Variants in STXBP5L observed in about 807,000 individuals in gnomAD.
The protein encoded by STXBP5L is syntaxin-binding protein 5-like.
Under a neutral mutation model 144.5 loss-of-function variants are expected in STXBP5L, and 65 were observed. The ratio of observed to expected loss-of-function variants is 0.45; its 90% CI spans 0.37 to 0.55. STXBP5L has a LOEUF of 0.55. Ranked by LOEUF, STXBP5L falls within the 20% of genes least tolerant of loss-of-function variation. The probability of loss-of-function intolerance (pLI) is 0.00; values close to 1 mark genes in which losing one functional copy is unlikely to be tolerated. For synonymous variants in STXBP5L, 505 were observed against 469.6 expected (o/e 1.08, Z -0.97); for missense variants, 1,298 against 1,405.5 (o/e 0.92, Z 1.22).
At chr3:121,212,199 A>G (rs535077472) in intron 10 of STXBP5L, among the ~76,000 whole-genome samples, 94 of 152,028 alleles carry the variant, frequency 6.2e-4, no homozygotes, top group Non-Finnish European at 1.0e-3. Flanking sequence ...CTTTTGCTGT[A>G]CAGAAGATCT....
chr3:121,054,198 C>G (rs1348997744), intron 5 of STXBP5L, among the ~76,000 whole-genome samples: 1 of 152,108 alleles, frequency 6.6e-6, no homozygotes, highest in African/African-American at 2.4e-5. Flanking sequence ...CCTCAGGGAT[C>G]TAGAACTAGA....
At chr3:121,399,690 G>T (rs1258230965) in intron 22 of STXBP5L, among the ~76,000 whole-genome samples, 1 of 152,246 alleles carries the variant, frequency 6.6e-6, no homozygotes, top group Non-Finnish European at 1.5e-5. Context: ...TGTGGCTTAA[G>T]AATACCTTTA....
chr3:121,329,303 C>A (rs1022781110), intron 20 of STXBP5L, among the ~76,000 whole-genome samples: 2 of 152,148 alleles, frequency 1.3e-5, no homozygotes, highest in African/African-American at 4.8e-5. Context: ...TCTTAAAATA[C>A]AATTCCTGCT....
intron 3 of STXBP5L, among the ~76,000 whole-genome samples, chr3:121,026,815 G>A (rs1945979557): frequency 6.6e-6 from 1 of 151,820 alleles, no homozygotes; most frequent in Admixed American, 6.6e-5. Flanking sequence ...CCTTCACGTT[G>A]TGCACATGTA....
At chr3:121,311,975 G>T (rs945824495) in intron 19 of STXBP5L, among the ~76,000 whole-genome samples, 1 of 152,110 alleles carries the variant, frequency 6.6e-6, no homozygotes, top group Non-Finnish European at 1.5e-5. Flanking sequence ...AAACAGCATG[G>T]TACTGGTACC....
chr3:120,985,280 C>A (rs1376487535), intron 3 of STXBP5L, among the ~76,000 whole-genome samples: 3 of 151,984 alleles, frequency 2.0e-5, no homozygotes, highest in Non-Finnish European at 4.4e-5. Context: ...TCTGCGAAGC[C>A]ATGGGGGCTT....
intron 3 of STXBP5L, among the ~76,000 whole-genome samples, chr3:121,028,679 T>C (rs1277345907): frequency 1.3e-5 from 2 of 152,096 alleles, no homozygotes; most frequent in Non-Finnish European, 1.5e-5. Context: ...ATCATTTTTT[T>C]CTGGTAGTAG....
chr3:121,378,768 A>G lies in STXBP5L; in HGVS notation c.2229A>G (p.Gly743=). The G allele has an allele frequency of 2.5e-6, 4 of 1,613,756 alleles. No individual in the cohort carries two copies. The highest frequency in any genetic ancestry group is 3.4e-6 in the Non-Finnish European group (4 of 1,179,830). ...TSPTSQSCSS[G]KRLSSADVSK... ...CAACTTCTCAGAGTTGCAGTTCTGG[A>G]AAACGTCTTTCTAGTGCCGATGTTT... The change falls in exon 21 of 27, where the codon GGA becomes GGG. Residue 743 remains glycine, a synonymous_variant. Coordinates refer to ENST00000471454, the MANE Select transcript of STXBP5L (RefSeq NM_001308330.2).
chr3:121,020,602 A>G lies in STXBP5L; in HGVS notation c.288-21098A>G, dbSNP rs184672600. Among the ~76,000 whole-genome samples, 22 of 152,338 alleles carry G rather than the reference A, an allele frequency of 1.4e-4. No individual in the cohort carries two copies. The South Asian group carries it at 1.4e-3, about 10-fold the overall frequency. On this transcript the variant is annotated intron_variant, in intron 3 of 26. Transcript: ENST00000471454. ...TACAAGCTAGAAGGGATTGGTTCCT[A>G]TCTTTAGTTTCCTTAAACAAAACAA...
chr3:121,282,910 A>G (rs234997), intron 19 of STXBP5L, among the ~76,000 whole-genome samples: 119,446 of 151,850 alleles, frequency 0.79, 47,212 homozygotes, highest in East Asian at 0.93. Flanking sequence ...AAAAGTAAAC[A>G]AATAAATAAT....
At chr3:121,340,566 G>A (rs1217956734) in intron 20 of STXBP5L, among the ~76,000 whole-genome samples, 1 of 150,940 alleles carries the variant, frequency 6.6e-6, no homozygotes, top group Admixed American at 6.6e-5. Context: ...CCACCCCTGA[G>A]TGAGAACATG....
chr3:121,368,348 T>C (rs1289122282), intron 20 of STXBP5L, among the ~76,000 whole-genome samples: 4 of 152,130 alleles, frequency 2.6e-5, no homozygotes, highest in Admixed American at 2.6e-4. Context: ...TCTATCTCTT[T>C]ACTGATATTT....
At chr3:121,014,333 G>C (rs369314294) in intron 3 of STXBP5L, among the ~76,000 whole-genome samples, 1 of 151,652 alleles carries the variant, frequency 6.6e-6, no homozygotes, top group East Asian at 1.9e-4. Flanking sequence ...AACATCCACC[G>C]TAGGAAAACA....
At chr3:121,069,313 T>C (rs1376136923) in intron 5 of STXBP5L, among the ~76,000 whole-genome samples, 1 of 152,224 alleles carries the variant, frequency 6.6e-6, no homozygotes, top group Admixed American at 6.5e-5. Flanking sequence ...TCATTCAAGT[T>C]GTGTACATCA....
At chr3:121,006,989 C>G (rs1008265504) in intron 3 of STXBP5L, among the ~76,000 whole-genome samples, 22 of 152,044 alleles carry the variant, frequency 1.4e-4, no homozygotes, top group Admixed American at 1.4e-3. Flanking sequence ...AACATTTTTT[C>G]CTTCATTTCA....
intron 5 of STXBP5L, among the ~76,000 whole-genome samples, chr3:121,052,792 GAGAA>G (rs1214111829): frequency 1.3e-5 from 2 of 152,126 alleles, no homozygotes; most frequent in South Asian, 2.1e-4. Flanking sequence ...ATTAGGAAAA[GAGAA>G]AGTCAAATTG....
At chr3:121,124,474 A>C (rs1342102997) in intron 7 of STXBP5L, among the ~76,000 whole-genome samples, 2 of 151,906 alleles carry the variant, frequency 1.3e-5, no homozygotes, top group Non-Finnish European at 2.9e-5. Flanking sequence ...TATAACTATA[A>C]ATTTTTTTAT....
chr3:121,166,687 G>A (rs1199284946), intron 9 of STXBP5L, among the ~76,000 whole-genome samples: 1 of 152,034 alleles, frequency 6.6e-6, no homozygotes, highest in Non-Finnish European at 1.5e-5. Flanking sequence ...CTTCCTTTTA[G>A]TGTAATGATA....
chr3:121,347,001 G>T (rs1217496592), intron 20 of STXBP5L, among the ~76,000 whole-genome samples: 2 of 152,120 alleles, frequency 1.3e-5, no homozygotes, highest in East Asian at 3.8e-4. Context: ...CATTGCTTTT[G>T]GTGTTTTAGA....
Sources: allele counts gnomAD v4.1 joint callset (sites outside exome capture counted in the v4.1 genomes callset), GRCh38; gene constraint gnomAD v4.1.1; transcripts MANE v1.5; gene names NCBI Gene and HGNC (gene_info 2026-07-23, HGNC 2026-07-21).